The following NBPF26 variants were observed in gnomAD, a reference collection of about 807,000 sequenced individuals.
The protein encoded by NBPF26 is NBPF member 26.
NBPF26 carries 79 observed loss-of-function variants against 119.6 expected under a neutral mutation model. The ratio of observed to expected loss-of-function variants is 0.66; its 90% CI spans 0.55 to 0.80. The LOEUF (loss-of-function observed/expected upper bound fraction) is 0.80, where lower values mean the gene tolerates loss of function less well. NBPF26 is among the 30% of genes least tolerant of loss of function. The pLI is 0.00. For missense variants in NBPF26, 800 were observed against 1,198.2 expected, an observed-to-expected ratio of 0.67 and a Z score of 4.91; for synonymous variants, 299 against 457.7, an observed-to-expected ratio of 0.65 and a Z score of 4.43.
At chr1:120,765,880 A>G (rs1228310182) in intron 2 of NBPF26, among the ~76,000 whole-genome samples, 1 of 115,122 alleles carries the variant, frequency 8.7e-6, no homozygotes, top group Non-Finnish European at 1.7e-5. Context: ...TAACACAGGA[A>G]CAGAAAACCA....
At position 120,745,157 on chromosome 1, in the gene NBPF26, G is replaced by A. The variant is rs1425043781; in HGVS notation, c.74-18471G>A. The stretch of plus-strand genomic sequence containing the variant: ...AACAAAAAAAAAACAAAAAAAAGTG[G>A]TATTGGGCCTGTCTAATTGCAAAGC... On this transcript the variant is annotated intron_variant, in intron 1 of 29. Coordinates refer to ENST00000620612, the Ensembl canonical transcript of NBPF26. 1.9e-5 allele frequency among the ~76,000 whole-genome samples: 2 copies of A among 105,306 alleles called. 1 individual carries two copies. The highest frequency in any genetic ancestry group is 1.2e-4 in the African/African-American group (2 of 16,948). The allele number at this position is 105,306 out of a possible 152,430, so 69.1% of individuals were successfully genotyped here.
At chr1:120,770,828 A>T (rs1651255533) in intron 2 of NBPF26, among the ~76,000 whole-genome samples, 1 of 117,220 alleles carries the variant, frequency 8.5e-6, no homozygotes, top group African/African-American at 5.0e-5. Context: ...GAAGTGTGGA[A>T]CATTTGAAAG....
chr1:120,792,774 A>G (rs1431893875), intron 3 of NBPF26, among the ~76,000 whole-genome samples: 2 of 101,828 alleles, frequency 2.0e-5, no homozygotes, highest in Non-Finnish European at 3.6e-5. Flanking sequence ...TGCTGGAATT[A>G]CAGGTGTGAG....
At chr1:120,816,654 C>T in exon 14 of NBPF26, 1 of 1,140,494 alleles carries the variant, frequency 8.8e-7, no homozygotes, top group South Asian at 1.3e-5. Flanking sequence ...AAGGAAGTCC[C>T]TGAGGACTCA....
intron 12 of NBPF26, among the ~76,000 whole-genome samples, chr1:120,815,374 C>T (rs1188761981): frequency 0.017 from 1,977 of 115,094 alleles, 704 homozygotes; most frequent in African/African-American, 0.092. Context: ...ATGAAGGTTC[C>T]CAGGCTGTCT....
chr1:120,765,937 A>C (rs1254489818), intron 2 of NBPF26, among the ~76,000 whole-genome samples: 1 of 72,152 alleles, frequency 1.4e-5, no homozygotes, highest in Non-Finnish European at 2.4e-5. Context: ...CAATGAGAAC[A>C]CATGGACACA....
At chr1:120,812,921 AAATAATAATAATAATAAT>A (rs1209954653) in intron 10 of NBPF26, among the ~76,000 whole-genome samples, 3 of 111,318 alleles carry the variant, frequency 2.7e-5, no homozygotes, top group African/African-American at 5.1e-5. Context: ...AGACTGCTAA[AAATAATAATAATAATAAT>A]AATAATAATA....
chr1:120,742,349 G>C (rs1650948112), intron 1 of NBPF26, among the ~76,000 whole-genome samples: 1 of 32,400 alleles, frequency 3.1e-5, no homozygotes, highest in Non-Finnish European at 4.8e-5. Context: ...GTGTGTGTGT[G>C]TGTGTGTTGG....
exon 4 of NBPF26, chr1:120,793,206 C>T: frequency 6.9e-7 from 1 of 1,442,078 alleles, no homozygotes; most frequent in Non-Finnish European, 9.3e-7. Context: ...CATCTCTGTG[C>T]AAATGGAAGT....
In NBPF26 at chr1:120,811,658, G is replaced by T. The variant is rs1553270989; in HGVS notation, c.1565-228G>T. Among the ~76,000 whole-genome samples the T allele has an allele frequency of 2.7e-4, 31 of 113,850 alleles. 6 individuals are homozygous for T. The highest frequency in any genetic ancestry group is 3.5e-4 in the African/African-American group (7 of 19,960). The allele number at this position is 113,850 out of a possible 152,430, so 74.7% of individuals were successfully genotyped here. A position where few individuals can be genotyped will look rare whatever the true frequency, so the allele number is the denominator to read the frequency against. On this transcript the variant is annotated intron_variant, in intron 9 of 29. Coordinates refer to ENST00000620612, the Ensembl canonical transcript of NBPF26. ...GGGCCAAGCCTTGCTTTATAGAAAC[G>T]TATAAGCAAGAAAAGTGTAGAAGTG...
At chr1:120,813,063 G>A (rs1462744675) in intron 10 of NBPF26, among the ~76,000 whole-genome samples, 1 of 119,430 alleles carries the variant, frequency 8.4e-6, no homozygotes, top group Middle Eastern at 3.8e-3. Context: ...TCGCACCCGA[G>A]AATGTGTGGA....
chr1:120,794,229 AGAG>A (rs1424823296), intron 4 of NBPF26, among the ~76,000 whole-genome samples: 1 of 115,028 alleles, frequency 8.7e-6, no homozygotes, highest in East Asian at 2.1e-4. Context: ...AGAAATAAAA[AGAG>A]GAGCAGTGTC....
chr1:120,823,577 C>A (rs1237856147), intron 17 of NBPF26, among the ~76,000 whole-genome samples: 2 of 116,088 alleles, frequency 1.7e-5, no homozygotes, highest in Non-Finnish European at 3.3e-5. Flanking sequence ...GTTGACCATA[C>A]CTCAAAAGCT....
rs1401754702 is a variant in NBPF26 at position 120,840,272 on chromosome 1, G to A, written c.4104-78G>A. The A allele has an allele frequency of 7.0e-6, 10 of 1,438,374 alleles. 2 individuals carry two copies. The highest frequency in any genetic ancestry group is 5.2e-5 in the African/African-American group (2 of 38,350). The allele number at this position is 1,438,374 out of a possible 1,614,324, so 89.1% of individuals were successfully genotyped here. A position where few individuals can be genotyped will look rare whatever the true frequency, so the allele number is the denominator to read the frequency against. Reference sequence around the variant, plus strand: ...TTTTCTTTTCTAACCACTTCCTTATGTTACTTCTGAAATCTAGTGGGGCTC... The same window carrying A: ...TTTTCTTTTCTAACCACTTCCTTATATTACTTCTGAAATCTAGTGGGGCTC... On this transcript the variant is annotated intron_variant, in intron 29 of 29. Transcript: ENST00000620612.
chr1:120,840,512 T>C, exon 30 of NBPF26: 1 of 1,475,670 alleles, frequency 6.8e-7, no homozygotes, highest in South Asian at 1.2e-5. Flanking sequence ...GCTTCGCCCT[T>C]TACGTGGACA....
chr1:120,766,569 G>C lies in NBPF26; in HGVS notation c.155+2860G>C. ...GGAGGCTGAGGCAGGAGAATGGCCT[G>C]AACCCAGGAGGCGGAGCTTGCAGTG... is the stretch of plus-strand genomic sequence containing the variant. On this transcript the variant is annotated intron_variant, in intron 2 of 29. Transcript: ENST00000620612. 1.1e-4 allele frequency among the ~76,000 whole-genome samples: 2 copies of C among 18,354 alleles called. 1 individual carries two copies. The highest frequency in any genetic ancestry group is 1.8e-4 in the Non-Finnish European group (2 of 11,264). 12.0% of individuals were successfully genotyped at this position (18,354 alleles called of 152,430 possible).
chr1:120,815,438 G>A (rs1651987140), intron 12 of NBPF26, among the ~76,000 whole-genome samples: 1 of 109,526 alleles, frequency 9.1e-6, no homozygotes, highest in Non-Finnish European at 1.7e-5. Flanking sequence ...TCCTTCCTGA[G>A]TTTCTCTCTC....
chr1:120,816,904 C>T, intron 14 of NBPF26, 77 bp downstream of exon 14: 1 of 1,414,934 alleles, frequency 7.1e-7, no homozygotes, highest in Non-Finnish European at 9.5e-7. Flanking sequence ...GCTCTATAAA[C>T]ACAAATTCAT....
chr1:120,752,519 A>AATATATATATATATATATATAT (rs1204399606), intron 1 of NBPF26, among the ~76,000 whole-genome samples: 1 of 14,664 alleles, frequency 6.8e-5, no homozygotes, highest in Non-Finnish European at 1.0e-4. Context: ...GAAGTTCAGG[A>AATATATATATATATATATATAT]ATATATATAT....
Sources: allele counts gnomAD v4.1 joint callset (sites outside exome capture counted in the v4.1 genomes callset), GRCh38; gene constraint gnomAD v4.1.1; transcripts MANE v1.5; gene names NCBI Gene and HGNC (gene_info 2026-07-23, HGNC 2026-07-21).